FANCL: variants seen among roughly 807,000 people sequenced by gnomAD.
The protein encoded by FANCL is E3 ubiquitin-protein ligase FANCL.
Under a neutral mutation model 59.4 loss-of-function variants are expected in FANCL, and 69 were observed. The ratio of observed to expected loss-of-function variants is 1.16; its 90% CI spans 0.96 to 1.42. The LOEUF is 1.42. Among genes scored for constraint, FANCL ranks in the 40% most tolerant of loss-of-function variants. The probability of loss-of-function intolerance (pLI) is 0.00; values close to 1 mark genes in which losing one functional copy is unlikely to be tolerated. For missense variants in FANCL, 519 were observed against 447.2 expected (o/e 1.16, Z -1.45); for synonymous variants, 180 against 147.1 (o/e 1.22, Z -1.62).
intron 5 of FANCL, among the ~76,000 whole-genome samples, chr2:58,209,404 T>C (rs534557201): frequency 2.6e-5 from 4 of 152,258 alleles, no homozygotes; most frequent in South Asian, 2.1e-4. Context: ...ACTAGATAAT[T>C]TGCAGTTATT....
chr2:58,209,031 A>T (rs1411691967), intron 5 of FANCL, among the ~76,000 whole-genome samples: 1 of 152,168 alleles, frequency 6.6e-6, no homozygotes, highest in Non-Finnish European at 1.5e-5. Flanking sequence ...CCTTCCCTTT[A>T]AAGGCTCTGT....
intron 7 of FANCL, among the ~76,000 whole-genome samples, chr2:58,182,472 A>G (rs528644664): frequency 1.3e-5 from 2 of 151,944 alleles, no homozygotes; most frequent in South Asian, 4.1e-4. Context: ...CATAACTTTG[A>G]CTTTCGTTGT....
intron 7 of FANCL, among the ~76,000 whole-genome samples, chr2:58,168,100 GATGAATTCTCTAA>G (rs1369568409): frequency 6.6e-6 from 1 of 152,128 alleles, no homozygotes; most frequent in Non-Finnish European, 1.5e-5. Flanking sequence ...TTTGCAGGGA[GATGAATTCTCTAA>G]AAAATATTTT....
intron 7 of FANCL, among the ~76,000 whole-genome samples, chr2:58,196,117 T>C (rs1270521060): frequency 6.6e-6 from 1 of 152,054 alleles, no homozygotes; most frequent in Non-Finnish European, 1.5e-5. Context: ...ACTGAAATTA[T>C]ATAATGTTAA....
intron 6 of FANCL, among the ~76,000 whole-genome samples, chr2:58,200,213 T>C (rs929110563): frequency 6.6e-5 from 10 of 152,068 alleles, no homozygotes; most frequent in Non-Finnish European, 1.5e-4. Context: ...CTGTAATCAC[T>C]GGAAAAACAA....
chr2:58,162,990 A>G, intron 10 of FANCL, 39 bp downstream of exon 10: 1 of 1,612,606 alleles, frequency 6.2e-7, no homozygotes, highest in Non-Finnish European at 8.5e-7. Flanking sequence ...ACTTTGTAAA[A>G]TCACCAAAAA....
chr2:58,240,800 G>A (rs1384246882), intron 1 of FANCL, among the ~76,000 whole-genome samples: 1 of 152,138 alleles, frequency 6.6e-6, no homozygotes, highest in Admixed American at 6.5e-5. Flanking sequence ...TCTTTCTACA[G>A]GAAACACGAA....
rs577734361 is a variant in FANCL at position 58,214,446 on chromosome 2, G to A, written c.374+7496C>T. Among the ~76,000 whole-genome samples the A allele has an allele frequency of 3.9e-5, 6 of 152,114 alleles. No individual in the cohort carries two copies. In the South Asian group the frequency reaches 1.2e-3, roughly 32 times the overall value. On this transcript the variant is annotated intron_variant, in intron 5 of 13. Transcript: ENST00000233741. The stretch of plus-strand genomic sequence containing the variant: ...CCCTTCTTATCGTGGTCATAATTCA[G>A]TATTACTATGATCAACTACCTAAAT...
At chr2:58,198,801 G>A (rs540611200) in intron 6 of FANCL, 139 bp from the exon 7 acceptor site, 63 of 650,876 alleles carry the variant, frequency 9.7e-5, no homozygotes, top group Middle Eastern at 4.2e-4. Context: ...AGGCCGAGGC[G>A]GGCGGATCAC....
chr2:58,167,782 A>G (rs1686101947), intron 7 of FANCL, among the ~76,000 whole-genome samples: 1 of 152,226 alleles, frequency 6.6e-6, no homozygotes, highest in African/African-American at 2.4e-5. Context: ...TTTACATTCC[A>G]GATGGGGAAA....
chr2:58,217,201 TATATATATATATATACACAC>T (rs1347999794), intron 5 of FANCL, among the ~76,000 whole-genome samples: 116 of 12,276 alleles, frequency 9.4e-3, no homozygotes, highest in Admixed American at 0.042. Flanking sequence ...TATATATATA[TATATATATATATATACACAC>T]ACACACACAC....
At chr2:58,196,576 A>T (rs1010748812) in intron 7 of FANCL, among the ~76,000 whole-genome samples, 7 of 152,094 alleles carry the variant, frequency 4.6e-5, no homozygotes, top group African/African-American at 1.2e-4. Flanking sequence ...CCATGCTTAT[A>T]TGAATAAGGC....
In FANCL at chr2:58,160,123, A is replaced by AC. The variant is rs1558727422; in HGVS notation, c.1076dup (p.Cys359TrpfsTer5). On this transcript the variant is annotated frameshift_variant, in exon 13 of 14. Transcript: ENST00000233741. LOFTEE classifies it high-confidence loss of function. ...ATTTGCTTACCTTACTACAATATGG[A>AC]CATTCACCAAATATGATGTTAAAAC... The AC allele has an allele frequency of 1.9e-6, 3 of 1,612,746 alleles. No homozygotes were observed. Among genetic ancestry groups the AC allele is most frequent in the Non-Finnish European group, 2.5e-6 (3 of 1,178,942 alleles).
intron 1 of FANCL, 51 bp downstream of exon 1, chr2:58,241,167 G>A: frequency 6.3e-7 from 1 of 1,594,050 alleles, no homozygotes; most frequent in Non-Finnish European, 8.6e-7. Context: ...TCTCCGCGCA[G>A]CTACGCTGCA....
intron 7 of FANCL, among the ~76,000 whole-genome samples, chr2:58,177,696 G>A (rs1047712373): frequency 4.0e-5 from 6 of 151,116 alleles, no homozygotes; most frequent in African/African-American, 9.7e-5. Context: ...ACGAGTTAAC[G>A]GGTGCAGCAC....
chr2:58,184,765 A>G (rs757650938), intron 7 of FANCL, among the ~76,000 whole-genome samples: 4 of 152,098 alleles, frequency 2.6e-5, no homozygotes, highest in African/African-American at 9.6e-5. Flanking sequence ...AAGCCTTAGC[A>G]TGGTATGAGA....
intron 6 of FANCL, among the ~76,000 whole-genome samples, chr2:58,202,401 A>G (rs542575390): frequency 6.6e-6 from 1 of 151,698 alleles, no homozygotes; most frequent in East Asian, 1.9e-4. Context: ...AAAAAAAATT[A>G]TCACATCTCA....
In FANCL at chr2:58,188,686, C is replaced by T. The variant is rs1200310748; in HGVS notation, c.540+9908G>A. ...AACTGCTGGGCTCAATCAATCTTCT[C>T]GTCTCGGCCTCCTGAAGTGTTGGGA... On this transcript the variant is annotated intron_variant, in intron 7 of 13. Transcript: ENST00000233741. Among the ~76,000 whole-genome samples, 9 of 151,814 alleles carry T rather than the reference C, an allele frequency of 5.9e-5. No individual in the cohort carries two copies. The East Asian group carries it at 9.7e-4, about 16-fold the overall frequency.
chr2:58,225,228 TAAAAA>T (rs558189058), intron 4 of FANCL, among the ~76,000 whole-genome samples: 2 of 144,876 alleles, frequency 1.4e-5, no homozygotes, highest in African/African-American at 2.5e-5. Flanking sequence ...AAAGATACTT[TAAAAA>T]AAAAAACACT....
Sources: gnomAD v4.1 joint callset for allele counts (sites outside exome capture counted in the v4.1 genomes callset) on GRCh38, gnomAD v4.1.1 for gene constraint, MANE v1.5 for transcripts, NCBI Gene and HGNC (gene_info 2026-07-23, HGNC 2026-07-21) for gene names.